The following IGSF11 variants were observed in gnomAD, a reference collection of about 807,000 sequenced individuals.
The protein encoded by IGSF11 is immunoglobulin superfamily member 11, also known as CXADR like 1.
IGSF11 carries 22 observed loss-of-function variants against 41.0 expected under a neutral mutation model. That is an observed-to-expected ratio of 0.54 (90% CI 0.38 to 0.77). The LOEUF (loss-of-function observed/expected upper bound fraction) is 0.77. Ranked by LOEUF, IGSF11 falls within the 30% of genes least tolerant of loss-of-function variation. The pLI is 0.00. For synonymous variants in IGSF11, 219 were observed against 201.3 expected (o/e 1.09, Z -0.74); for missense variants, 444 against 530.8 (o/e 0.84, Z 1.61).
intron 5 of IGSF11, among the ~76,000 whole-genome samples, chr3:118,905,262 A>T (rs1939443074): frequency 6.6e-6 from 1 of 152,202 alleles, no homozygotes; most frequent in South Asian, 2.1e-4. Context: ...TTTTGCAGAT[A>T]AAAGAAACAA....
intron 1 of IGSF11, among the ~76,000 whole-genome samples, chr3:119,126,223 G>A (rs2077403448): frequency 6.6e-6 from 1 of 152,218 alleles, no homozygotes; most frequent in Admixed American, 6.5e-5. Flanking sequence ...CCCAATACTT[G>A]TCCCCACAGC....
At position 119,111,987 on chromosome 3, in the gene IGSF11, GT is replaced by G. The variant is rs1004421415; in HGVS notation, c.-13-6783del. On this transcript the variant is annotated intron_variant, in intron 1 of 7. Coordinates refer to the IGSF11 transcript ENST00000425327. Reference sequence around the variant, plus strand: ...AGAGGAGTACCCAGCTGTGTGAGGTGTCAGTCTGCCCCCACTGGGTGGTGCC... The same window carrying G: ...AGAGGAGTACCCAGCTGTGTGAGGTGCAGTCTGCCCCCACTGGGTGGTGCC... 1.4e-4 allele frequency among the ~76,000 whole-genome samples: 22 copies of G among 152,238 alleles called. 1 individual carries two copies. The highest frequency in any genetic ancestry group is 1.3e-3 in the Admixed American group (20 of 15,292).
chr3:119,084,947 C>T (rs2076646325), intron 1 of IGSF11, among the ~76,000 whole-genome samples: 1 of 152,196 alleles, frequency 6.6e-6, no homozygotes. Context: ...GGCTGAGTCA[C>T]ACAGGTTCAC....
chr3:118,975,363 T>TAAAAAAAAAAA (rs376307753), intron 1 of IGSF11, among the ~76,000 whole-genome samples: 11 of 140,738 alleles, frequency 7.8e-5, no homozygotes, highest in African/African-American at 2.9e-4. Context: ...CTGCTGGATT[T>TAAAAAAAAAAA]AAAAAAAAAA....
Position 118,908,423 on chromosome 3 carries a change from G to A in IGSF11, c.581-2705C>T, listed in dbSNP as rs184316614. On this transcript the variant is annotated intron_variant, in intron 4 of 6. Coordinates refer to ENST00000393775, the MANE Select transcript of IGSF11 (RefSeq NM_001015887.3). ...ACCAGAACAAAACAGCCCTGTTTAT[G>A]TGACAAGGCAAAATAGAGAAGAGAG... is the stretch of plus-strand genomic sequence containing the variant. 2.3e-3 allele frequency among the ~76,000 whole-genome samples: 344 copies of A among 152,272 alleles called. 1 individual carries two copies. The highest frequency in any genetic ancestry group is 3.6e-3 in the Non-Finnish European group (243 of 68,020).
At chr3:119,000,063 C>CTT (rs1297321950) in intron 1 of IGSF11, among the ~76,000 whole-genome samples, 1,000 of 98,674 alleles carry the variant, frequency 0.01, 12 homozygotes, top group African/African-American at 0.032. Flanking sequence ...ATTCATTATT[C>CTT]TTTTTTTTTT....
At chr3:119,053,122 C>T (rs778371794) in intron 1 of IGSF11, among the ~76,000 whole-genome samples, 3 of 152,098 alleles carry the variant, frequency 2.0e-5, no homozygotes, top group Non-Finnish European at 2.9e-5. Flanking sequence ...TTCTATTCAA[C>T]GTAGTACTGG....
intron 1 of IGSF11, among the ~76,000 whole-genome samples, chr3:119,125,918 C>G (rs895081332): frequency 6.6e-6 from 1 of 152,212 alleles, no homozygotes; most frequent in African/African-American, 2.4e-5. Context: ...AGACCCCGCT[C>G]GCGAACCCAT....
At chr3:118,930,943 A>G (rs1942796846) in intron 1 of IGSF11, among the ~76,000 whole-genome samples, 5 of 152,228 alleles carry the variant, frequency 3.3e-5, no homozygotes, top group Admixed American at 3.3e-4. Context: ...AAGAACAAAG[A>G]TGAAGAATTC....
At chr3:119,072,279 C>G (rs533799483) in intron 1 of IGSF11, among the ~76,000 whole-genome samples, 1 of 152,146 alleles carries the variant, frequency 6.6e-6, no homozygotes, top group Non-Finnish European at 1.5e-5. Context: ...GAAACTGTCC[C>G]CAAATCAGAG....
chr3:119,106,859 T>C (rs1009281522), upstream of IGSF11, among the ~76,000 whole-genome samples: 3 of 152,166 alleles, frequency 2.0e-5, no homozygotes, highest in African/African-American at 7.2e-5. Flanking sequence ...GTCCTTGAGA[T>C]AGTTTACTGA....
intron 1 of IGSF11, among the ~76,000 whole-genome samples, chr3:119,003,709 T>A (rs1937154439): frequency 6.6e-6 from 1 of 151,970 alleles, no homozygotes; most frequent in Non-Finnish European, 1.5e-5. Flanking sequence ...TTTCTGCATC[T>A]ATTGAGATAA....
At chr3:119,005,172 G>T (rs1267333081) in intron 1 of IGSF11, among the ~76,000 whole-genome samples, 1 of 145,046 alleles carries the variant, frequency 6.9e-6, no homozygotes, top group Non-Finnish European at 1.5e-5. Flanking sequence ...ATATGTTTAG[G>T]ATAGTTAGCT....
At chr3:118,963,800 T>A (rs1021084055) in intron 1 of IGSF11, among the ~76,000 whole-genome samples, 3 of 152,144 alleles carry the variant, frequency 2.0e-5, no homozygotes, top group Non-Finnish European at 4.4e-5. Flanking sequence ...AGAATCAATG[T>A]TTTTTTCCTT....
Position 119,084,597 on chromosome 3 carries a change from G to T in IGSF11, c.49+20547C>A, listed in dbSNP as rs995431861. Among the ~76,000 whole-genome samples the T allele has an allele frequency of 1.5e-3, 226 of 152,298 alleles. 1 individual carries two copies. The highest frequency in any genetic ancestry group is 5.3e-3 in the African/African-American group (221 of 41,560). On this transcript the variant is annotated intron_variant, in intron 1 of 6. Coordinates refer to the IGSF11 transcript ENST00000354673. ...CAGCTAATCACCAGGAAGAAAGCAAGGCTTTCTTCTACATGGGACTGGGGC... is the reference window on the plus strand; with the variant it reads ...CAGCTAATCACCAGGAAGAAAGCAATGCTTTCTTCTACATGGGACTGGGGC...
intron 1 of IGSF11, among the ~76,000 whole-genome samples, chr3:118,988,547 T>C (rs1308314278): frequency 1.3e-5 from 2 of 152,150 alleles, no homozygotes; most frequent in Non-Finnish European, 1.5e-5. Flanking sequence ...AAACTGCAGA[T>C]TCTAAAGACA....
intron 1 of IGSF11, among the ~76,000 whole-genome samples, chr3:119,072,640 T>C (rs2076418888): frequency 6.6e-6 from 1 of 152,170 alleles, no homozygotes; most frequent in Non-Finnish European, 1.5e-5. Context: ...AGGCAGTGCG[T>C]CTGGAGTTGT....
intron 1 of IGSF11, among the ~76,000 whole-genome samples, chr3:118,998,300 T>A (rs531104060): frequency 6.6e-6 from 1 of 152,098 alleles, no homozygotes; most frequent in African/African-American, 2.4e-5. Flanking sequence ...TTTATATCTA[T>A]AAAGGACTAC....
At chr3:119,133,443 T>C (rs764894908) in intron 1 of IGSF11, among the ~76,000 whole-genome samples, 9 of 152,236 alleles carry the variant, frequency 5.9e-5, no homozygotes, top group Non-Finnish European at 1.0e-4. Context: ...TATAAACACC[T>C]CTATGCAAAT....
Sources: allele counts gnomAD v4.1 joint callset (sites outside exome capture counted in the v4.1 genomes callset), GRCh38; gene constraint gnomAD v4.1.1; transcripts MANE v1.5; gene names NCBI Gene and HGNC (gene_info 2026-07-23, HGNC 2026-07-21).